Variants in ATRNL1 observed in about 807,000 individuals in gnomAD.
ATRNL1 encodes the protein attractin like 1.
In ATRNL1, 95 loss-of-function variants were observed where a neutral mutation model predicts 182.7. The observed-to-expected ratio is 0.52, with a 90% CI of 0.44 to 0.62. The LOEUF (loss-of-function observed/expected upper bound fraction) is 0.62. Ranked by LOEUF, ATRNL1 falls within the 20% of genes least tolerant of loss-of-function variation. The probability of loss-of-function intolerance (pLI) is 0.00; values close to 1 mark genes in which losing one functional copy is unlikely to be tolerated. For synonymous variants in ATRNL1, 576 were observed against 568.3 expected, an observed-to-expected ratio of 1.01 and a Z score of -0.19; for missense variants, 1,471 against 1,679.5, an observed-to-expected ratio of 0.88 and a Z score of 2.17.
chr10:115,630,843 C>CACACACAG (rs1555026108), intron 26 of ATRNL1, among the ~76,000 whole-genome samples: 34 of 136,524 alleles, frequency 2.5e-4, no homozygotes, highest in African/African-American at 1.0e-3. Flanking sequence ...CACACACACA[C>CACACACAG]ACACACACAC....
intron 19 of ATRNL1, among the ~76,000 whole-genome samples, chr10:115,352,710 C>T (rs895133814): frequency 8.6e-5 from 13 of 152,034 alleles, no homozygotes; most frequent in African/African-American, 2.9e-4. Flanking sequence ...CTAGCCTGAT[C>T]AAAATGGAGA....
rs1554874517 is a variant in ATRNL1 at position 115,129,487 on chromosome 10, T to C, written c.781T>C (p.Cys261Arg). Residue 261 changes from cysteine (C) to arginine (R), a missense_variant, in exon 5 of 29, where the codon TGT (cysteine) becomes CGT (arginine). Transcript: ENST00000355044. The stretch of plus-strand genomic sequence containing the variant: ...TTGCGGCAGTCCAGATCACGGTTAC[T>C]GTGACCTGACTGGAGAAAAATTATG... ...ANCGSPDHGY[C>R]DLTGEKLCVC... The C allele has an allele frequency of 6.2e-7, 1 of 1,614,160 alleles. No individual in the cohort carries two copies. The highest frequency in any genetic ancestry group is 8.5e-7 in the Non-Finnish European group (1 of 1,180,006).
At chr10:115,626,780 CAA>C (rs767798380) in intron 26 of ATRNL1, among the ~76,000 whole-genome samples, 46 of 152,132 alleles carry the variant, frequency 3.0e-4, no homozygotes, top group Non-Finnish European at 5.7e-4. Context: ...TTTTCAAACT[CAA>C]GTTATTGTAT....
chr10:115,858,746 T>C (rs1319888141), intron 28 of ATRNL1, among the ~76,000 whole-genome samples: 2 of 152,152 alleles, frequency 1.3e-5, no homozygotes, highest in Non-Finnish European at 2.9e-5. Context: ...TTTTTTTTTA[T>C]GATAGCTGAC....
At chr10:115,245,906 C>T (rs1477023820) in intron 10 of ATRNL1, among the ~76,000 whole-genome samples, 1 of 152,150 alleles carries the variant, frequency 6.6e-6, no homozygotes, top group African/African-American at 2.4e-5. Context: ...TTAGAATCAT[C>T]ACACATTTCT....
intron 15 of ATRNL1, among the ~76,000 whole-genome samples, chr10:115,294,183 T>G (rs1009543860): frequency 6.6e-6 from 1 of 152,224 alleles, no homozygotes; most frequent in Admixed American, 6.5e-5. Context: ...TATTTGCTTT[T>G]AAGTCCAGTG....
chr10:115,359,026 A>G (rs1856623902), intron 19 of ATRNL1, among the ~76,000 whole-genome samples: 1 of 151,606 alleles, frequency 6.6e-6, no homozygotes, highest in Admixed American at 6.6e-5. Flanking sequence ...AATGGGTGTT[A>G]TGTCCCTGCC....
chr10:115,512,237 C>T (rs868972818), intron 24 of ATRNL1, among the ~76,000 whole-genome samples: 5 of 152,030 alleles, frequency 3.3e-5, no homozygotes, highest in South Asian at 2.1e-4. Flanking sequence ...GATATACTTT[C>T]ATAGAAAATA....
chr10:115,248,878 A>G (rs1850754486), intron 10 of ATRNL1, among the ~76,000 whole-genome samples: 1 of 152,230 alleles, frequency 6.6e-6, no homozygotes, highest in Admixed American at 6.5e-5. Flanking sequence ...TGAAATGGCT[A>G]ATATAGGTTT....
At position 115,123,913 on chromosome 10, in the gene ATRNL1, G is replaced by A. The variant is rs1341847338; in HGVS notation, c.491+2101G>A. On this transcript the variant is annotated intron_variant, in intron 3 of 28. Coordinates refer to ENST00000355044, the MANE Select transcript of ATRNL1 (RefSeq NM_207303.4). ...CATTCCTTATGAGGTTCTAATGCCT[G>A]ATGGTCTGTCACTGTCTCCCATCAG... Among the ~76,000 whole-genome samples the A allele has an allele frequency of 2.0e-5, 3 of 151,968 alleles. No individual in the cohort carries two copies. In the East Asian group the frequency reaches 5.8e-4, roughly 29 times the overall value.
At chr10:115,310,870 G>A (rs1564901109) in intron 17 of ATRNL1, among the ~76,000 whole-genome samples, 1 of 152,030 alleles carries the variant, frequency 6.6e-6, no homozygotes, top group East Asian at 1.9e-4. Flanking sequence ...GATTTGGTTT[G>A]TTCTTGTTTC....
intron 5 of ATRNL1, among the ~76,000 whole-genome samples, chr10:115,142,444 C>CA (rs142822166): frequency 0.22 from 33,426 of 151,818 alleles, 4,658 homozygotes; most frequent in Non-Finnish European, 0.31. Context: ...AGAAGTTACA[C>CA]AACAAGGGAG....
chr10:115,791,263 C>T (rs907520841), intron 27 of ATRNL1, among the ~76,000 whole-genome samples: 38 of 152,270 alleles, frequency 2.5e-4, no homozygotes, highest in African/African-American at 9.1e-4. Context: ...TAACCACCAA[C>T]ATTTCCTGCC....
intron 26 of ATRNL1, among the ~76,000 whole-genome samples, chr10:115,612,892 C>A (rs1286580799): frequency 1.3e-5 from 2 of 152,158 alleles, no homozygotes; most frequent in Admixed American, 1.3e-4. Flanking sequence ...TTTCACATTT[C>A]CTCATTTGAT....
chr10:115,771,522 G>A (rs1158887049), intron 27 of ATRNL1, among the ~76,000 whole-genome samples: 3 of 152,142 alleles, frequency 2.0e-5, no homozygotes, highest in Non-Finnish European at 4.4e-5. Flanking sequence ...GAGCCACCGC[G>A]CCCGGCCAGA....
chr10:115,308,119 G>T (rs782148567), intron 17 of ATRNL1, among the ~76,000 whole-genome samples: 1 of 152,060 alleles, frequency 6.6e-6, no homozygotes, highest in Non-Finnish European at 1.5e-5. Flanking sequence ...AAACAAATAG[G>T]ATTTTGCAAT....
chr10:115,873,995 A>G (rs782629446), intron 28 of ATRNL1, among the ~76,000 whole-genome samples: 1 of 152,232 alleles, frequency 6.6e-6, no homozygotes, highest in Non-Finnish European at 1.5e-5. Flanking sequence ...TCAAGACAGA[A>G]GGTCTGAGAG....
intron 25 of ATRNL1, among the ~76,000 whole-genome samples, chr10:115,543,422 A>G (rs931457464): frequency 6.6e-6 from 1 of 152,192 alleles, no homozygotes; most frequent in Non-Finnish European, 1.5e-5. Context: ...TATAAAATTG[A>G]AAGATAGTTT....
intron 11 of ATRNL1, among the ~76,000 whole-genome samples, chr10:115,266,501 C>T (rs1203466495): frequency 2.0e-5 from 3 of 151,028 alleles, no homozygotes; most frequent in African/African-American, 7.3e-5. Context: ...GTTTCTTTTC[C>T]TTTCTTGTAT....
Sources: gnomAD v4.1 joint callset for allele counts (sites outside exome capture counted in the v4.1 genomes callset) on GRCh38, gnomAD v4.1.1 for gene constraint, MANE v1.5 for transcripts, NCBI Gene and HGNC (gene_info 2026-07-23, HGNC 2026-07-21) for gene names.